The following CST7 variants were observed in gnomAD, a reference collection of about 807,000 sequenced individuals.
CST7 encodes the protein cystatin-F.
In CST7, 15 loss-of-function variants were observed where a neutral mutation model predicts 13.1. The ratio of observed to expected loss-of-function variants is 1.14; its 90% confidence interval spans 0.77 to 1.76. CST7 has a LOEUF of 1.76. Among genes scored for constraint, CST7 ranks in the 40% most tolerant of loss-of-function variants. CST7 has a pLI of 0.00. For missense variants in CST7, 193 were observed against 178.8 expected, an observed-to-expected ratio of 1.08 and a Z score of -0.45; for synonymous variants, 75 against 66.9, an observed-to-expected ratio of 1.12 and a Z score of -0.59.
intron 1 of CST7, among the ~76,000 whole-genome samples, chr20:24,953,792 T>G (rs2087835809): frequency 6.6e-6 from 1 of 152,232 alleles, no homozygotes; most frequent in Non-Finnish European, 1.5e-5. Context: ...AGGCCTGGCC[T>G]GCCCCAGGCA....
intron 1 of CST7, among the ~76,000 whole-genome samples, chr20:24,954,144 G>A (rs1265762789): frequency 6.6e-6 from 1 of 152,156 alleles, no homozygotes; most frequent in Non-Finnish European, 1.5e-5. Context: ...CCTAGCACCT[G>A]CCAAACAGTC....
chr20:24,959,296 G>A (rs1275777228), intron 3 of CST7, among the ~76,000 whole-genome samples: 2 of 151,140 alleles, frequency 1.3e-5, no homozygotes. Context: ...AGCGTCCTGG[G>A]GTGCGAGTGG....
intron 2 of CST7, among the ~76,000 whole-genome samples, chr20:24,958,325 T>C (rs2087872568): frequency 6.6e-6 from 1 of 152,098 alleles, no homozygotes; most frequent in Non-Finnish European, 1.5e-5. Flanking sequence ...GCCAGTGGGA[T>C]GCCCTGGTTC....
Position 24,958,911 on chromosome 20 carries a change from C to A in CST7, c.244-17C>A. 1 of 1,585,120 alleles carries A rather than the reference C, an allele frequency of 6.3e-7. No individual in the cohort carries two copies. Among genetic ancestry groups the A allele is most frequent in the South Asian group, 1.1e-5 (1 of 90,408 alleles). On this transcript the variant is annotated splice_polypyrimidine_tract_variant and intron_variant, in intron 2 of 3. Coordinates refer to ENST00000480798, the MANE Select transcript of CST7 (RefSeq NM_003650.4). ...CCTCCCCTGTGCCCAGTAACCCAGT[C>A]CCTTTGCTCCCTCCAGATAGTGAAA...
intron 2 of CST7, among the ~76,000 whole-genome samples, chr20:24,958,247 T>C (rs6050208): frequency 0.094 from 14,233 of 152,202 alleles, 765 homozygotes; most frequent in Middle Eastern, 0.12. Context: ...GTCCTCGCTC[T>C]GCAGCCTGGC....
intron 2 of CST7, among the ~76,000 whole-genome samples, 185 bp from the exon 3 acceptor site, chr20:24,958,743 C>A (rs1322605628): frequency 6.6e-6 from 1 of 152,140 alleles, no homozygotes; most frequent in Non-Finnish European, 1.5e-5. Flanking sequence ...CAGCACGGGG[C>A]AGGGAGGGGA....
In CST7 at chr20:24,959,713, C is replaced by A. The variant is rs777906860; in HGVS notation, c.*1C>A. 1.2e-6 allele frequency: 2 copies of A among 1,613,888 alleles called. No individual in the cohort carries two copies. The highest frequency in any genetic ancestry group is 1.7e-5 in the Admixed American group (1 of 60,026). The stretch of plus-strand genomic sequence containing the variant: ...GGTGCCTGTTCTCCGTTGTCACTGA[C>A]CCCCGCCTCTTCAGCAAGACCACAG... On this transcript the variant is annotated 3_prime_UTR_variant, in exon 4 of 4. Transcript: ENST00000480798.
chr20:24,959,762 G>A lies in CST7; in HGVS notation c.*50G>A. On this transcript the variant is annotated 3_prime_UTR_variant, in exon 4 of 4. Transcript: ENST00000480798. The stretch of plus-strand genomic sequence containing the variant: ...AGCCATGACAAACACCAGGATGCAT[G>A]CTCCTTGTCCCCTCCCACCCGCCTC... The A allele has an allele frequency of 6.4e-7, 1 of 1,558,264 alleles. No homozygotes were observed. The highest frequency in any genetic ancestry group is 8.9e-7 in the Non-Finnish European group (1 of 1,129,282).
intron 1 of CST7, among the ~76,000 whole-genome samples, chr20:24,956,199 G>C (rs1298563026): frequency 6.6e-6 from 1 of 152,176 alleles, no homozygotes; most frequent in African/African-American, 2.4e-5. Flanking sequence ...TACCCTTGGT[G>C]GGGTCTGGTG....
intron 1 of CST7, among the ~76,000 whole-genome samples, chr20:24,957,024 G>GGGTGGAC (rs1328110394): frequency 3.8e-5 from 2 of 52,440 alleles, no homozygotes; most frequent in Non-Finnish European, 9.8e-5. Flanking sequence ...GGGGGCAGGT[G>GGGTGGAC]AGGGGAGCAG....
intron 1 of CST7, among the ~76,000 whole-genome samples, chr20:24,951,195 C>T (rs951318514): frequency 2.0e-5 from 3 of 152,224 alleles, no homozygotes; most frequent in South Asian, 2.1e-4. Flanking sequence ...CCAGAGCCCA[C>T]GTTCACACAC....
chr20:24,957,225 G>A lies in CST7; in HGVS notation c.71-62G>A. ...TGAGCATCACAGAGGCATGAGGCGTGACACCTGGACTGAAGGCCCCACTAA... is the reference window on the plus strand; with the variant it reads ...TGAGCATCACAGAGGCATGAGGCGTAACACCTGGACTGAAGGCCCCACTAA... On this transcript the variant is annotated intron_variant, in intron 1 of 3. Transcript: ENST00000480798. 7 of 1,542,782 alleles carry A rather than the reference G, an allele frequency of 4.5e-6. No individual in the cohort carries two copies. In the South Asian group the frequency reaches 7.2e-5, roughly 16 times the overall value.
chr20:24,956,214 C>T (rs1416256526), intron 1 of CST7, among the ~76,000 whole-genome samples: 4 of 152,172 alleles, frequency 2.6e-5, no homozygotes, highest in Non-Finnish European at 4.4e-5. Flanking sequence ...CTGGTGTGCA[C>T]CCACAGACAT....
At chr20:24,954,425 A>T (rs1412753191) in intron 1 of CST7, among the ~76,000 whole-genome samples, 1 of 152,158 alleles carries the variant, frequency 6.6e-6, no homozygotes, top group African/African-American at 2.4e-5. Context: ...GAGGCTCTCA[A>T]AGAGCTGCAT....
intron 2 of CST7, among the ~76,000 whole-genome samples, chr20:24,958,224 G>C (rs2087872043): frequency 1.3e-5 from 2 of 152,230 alleles, no homozygotes; most frequent in South Asian, 4.1e-4. Flanking sequence ...AGAATCGTGG[G>C]TGTGTAGCCA....
intron 1 of CST7, among the ~76,000 whole-genome samples, chr20:24,956,251 G>A (rs1224888031): frequency 6.6e-6 from 1 of 152,188 alleles, no homozygotes; most frequent in Non-Finnish European, 1.5e-5. Flanking sequence ...GCCTCTTGCA[G>A]ACCTCACACA....
At chr20:24,959,155 A>C in intron 3 of CST7, 111 bp downstream of exon 3, 5 of 840,294 alleles carry the variant, frequency 6.0e-6, no homozygotes, top group Non-Finnish European at 9.6e-6. Context: ...CCCAAACCTC[A>C]CCCCTGAGGA....
Position 24,959,799 on chromosome 20 carries a change from T to C in CST7, c.*87T>C. The stretch of plus-strand genomic sequence containing the variant: ...CTCCCACCCGCCTCATGACCCAGCC[T>C]CACAGACCCTCTCAGGCCTCTGACG... On this transcript the variant is annotated 3_prime_UTR_variant, in exon 4 of 4. Transcript: ENST00000480798. 7.5e-7 allele frequency: 1 copy of C among 1,327,680 alleles called. No homozygotes were observed. The highest frequency in any genetic ancestry group is 1.1e-6 in the Non-Finnish European group (1 of 922,128). The allele number at this position is 1,327,680 out of a possible 1,614,324, so 82.2% of individuals were successfully genotyped here.
In CST7 at chr20:24,959,797, C is replaced by A; in HGVS notation, c.*85C>A. The A allele has an allele frequency of 2.3e-6, 3 of 1,323,302 alleles. No homozygotes were observed. Among genetic ancestry groups the A allele is most frequent in the Non-Finnish European group, 2.2e-6 (2 of 918,160 alleles). The allele number at this position is 1,323,302 out of a possible 1,614,324, so 82.0% of individuals were successfully genotyped here. A position where few individuals can be genotyped will look rare whatever the true frequency, so the allele number is the denominator to read the frequency against. Reference sequence around the variant, plus strand: ...CCCTCCCACCCGCCTCATGACCCAGCCTCACAGACCCTCTCAGGCCTCTGA... The same window carrying A: ...CCCTCCCACCCGCCTCATGACCCAGACTCACAGACCCTCTCAGGCCTCTGA... On this transcript the variant is annotated 3_prime_UTR_variant, in exon 4 of 4. Transcript: ENST00000480798.
Sources: gnomAD v4.1 joint callset for allele counts (sites outside exome capture counted in the v4.1 genomes callset) on GRCh38, gnomAD v4.1.1 for gene constraint, MANE v1.5 for transcripts, NCBI Gene and HGNC (gene_info 2026-07-23, HGNC 2026-07-21) for gene names.